The following PDPN variants were observed in gnomAD, a reference collection of about 807,000 sequenced individuals.
PDPN encodes the protein PA2.26 antigen.
Under a neutral mutation model 23.2 loss-of-function variants are expected in PDPN, and 12 were observed. The ratio of observed to expected loss-of-function variants is 0.52; its 90% CI spans 0.33 to 0.84. PDPN has a LOEUF of 0.84. Among genes scored for constraint, PDPN ranks in the 40% least tolerant of loss-of-function variants. The pLI is 0.02. For synonymous variants in PDPN, 77 were observed against 76.7 expected, an observed-to-expected ratio of 1.00 and a Z score of -0.02; for missense variants, 199 against 212.2, an observed-to-expected ratio of 0.94 and a Z score of 0.39.
At chr1:13,603,811 A>G (rs1640711231) in intron 1 of PDPN, among the ~76,000 whole-genome samples, 1 of 151,300 alleles carries the variant, frequency 6.6e-6, no homozygotes, top group African/African-American at 2.4e-5. Context: ...CTGGTCTTGA[A>G]CTCCTGACCT....
At chr1:13,595,959 A>C (rs1640485240) in intron 1 of PDPN, 2 of 1,022,374 alleles carry the variant, frequency 2.0e-6, no homozygotes, top group African/African-American at 3.3e-5. Context: ...GGACTTTGGG[A>C]GGCTGAGGCG....
intron 1 of PDPN, among the ~76,000 whole-genome samples, chr1:13,599,122 T>C: frequency 6.7e-6 from 1 of 150,120 alleles, no homozygotes; most frequent in Middle Eastern, 3.2e-3. Context: ...GGGATTCCCC[T>C]GCCTCTGCCT....
At chr1:13,596,655 G>A (rs1057396368) in intron 1 of PDPN, among the ~76,000 whole-genome samples, 18 of 152,306 alleles carry the variant, frequency 1.2e-4, no homozygotes, top group Admixed American at 5.9e-4. Flanking sequence ...GAGGTCAGGC[G>A]TGTTCAGAGT....
chr1:13,595,423 G>A (rs1339033437), intron 1 of PDPN, among the ~76,000 whole-genome samples: 1 of 152,084 alleles, frequency 6.6e-6, no homozygotes, highest in Non-Finnish European at 1.5e-5. Flanking sequence ...ACTTTGGGAG[G>A]TGACCCAGAG....
At chr1:13,588,986 T>TATTCAATAAATTGAATAGTGCTACA in intron 1 of PDPN, among the ~76,000 whole-genome samples, 1 of 152,004 alleles carries the variant, frequency 6.6e-6, no homozygotes, top group South Asian at 2.1e-4. Context: ...GAATAGCTAC[T>TATTCAATAAATTGAATAGTGCTACA]ATTCAATAAA....
intron 1 of PDPN, chr1:13,585,529 C>T: frequency 7.4e-7 from 1 of 1,351,082 alleles, no homozygotes; most frequent in Non-Finnish European, 9.8e-7. Context: ...GGAGCGCCCT[C>T]ACTTCAGCAT....
chr1:13,616,048 C>A lies in PDPN; in HGVS notation c.*137C>A. 1.3e-6 allele frequency: 1 copy of A among 767,296 alleles called. No individual in the cohort carries two copies. The highest frequency in any genetic ancestry group is 1.6e-5 in the South Asian group (1 of 63,414). The allele number at this position is 767,296 out of a possible 1,614,324, so 47.5% of individuals were successfully genotyped here. On this transcript the variant is annotated 3_prime_UTR_variant, in exon 6 of 6. Transcript: ENST00000621990. Reference sequence around the variant, plus strand: ...GCCCACTCAGAATCCACGGTGACCTCTCCGCTTGCCAAAATAACCGAAGGA... The same window carrying A: ...GCCCACTCAGAATCCACGGTGACCTATCCGCTTGCCAAAATAACCGAAGGA...
At chr1:13,612,962 C>T (rs570737434) in intron 3 of PDPN, among the ~76,000 whole-genome samples, 52 of 151,606 alleles carry the variant, frequency 3.4e-4, no homozygotes, top group Non-Finnish European at 6.2e-4. Flanking sequence ...GTTAAGGACT[C>T]GTTATATAAA....
chr1:13,602,327 C>CAA (rs55924202), intron 1 of PDPN, among the ~76,000 whole-genome samples: 24 of 134,614 alleles, frequency 1.8e-4, no homozygotes, highest in Admixed American at 6.0e-4. Flanking sequence ...GACTCCGTCT[C>CAA]AAAAAAAAAA....
chr1:13,609,659 C>T (rs975828038), intron 2 of PDPN, among the ~76,000 whole-genome samples: 2 of 152,192 alleles, frequency 1.3e-5, no homozygotes, highest in Non-Finnish European at 1.5e-5. Context: ...CTCTAGGCAC[C>T]TCATGTAAGT....
Position 13,592,841 on chromosome 1 carries a change from C to T in PDPN, c.67+8741C>T, listed in dbSNP as rs191563760. Among the ~76,000 whole-genome samples the T allele has an allele frequency of 6.3e-3, 959 of 152,258 alleles. 6 individuals carry two copies. Among genetic ancestry groups the T allele is most frequent in the African/African-American group, 0.022 (909 of 41,552 alleles). On this transcript the variant is annotated intron_variant, in intron 1 of 5. Coordinates refer to ENST00000621990, the MANE Select transcript of PDPN (RefSeq NM_006474.5). ...CTGGGATTACAGGCGTGAGCCACCG[C>T]GCCTGGCCAAAAAGATGATTCTTTC...
At chr1:13,598,345 A>G (rs1473609764) in intron 1 of PDPN, among the ~76,000 whole-genome samples, 1 of 152,012 alleles carries the variant, frequency 6.6e-6, no homozygotes, top group Non-Finnish European at 1.5e-5. Context: ...TCAGTGGGTA[A>G]TGACTTCAAA....
intron 1 of PDPN, chr1:13,584,358 G>T: frequency 1.4e-6 from 2 of 1,441,710 alleles, no homozygotes; most frequent in South Asian, 1.4e-5. Context: ...AGCACAGGGG[G>T]CCTCCCTCCG....
At chr1:13,593,569 G>A (rs1185577795) in intron 1 of PDPN, among the ~76,000 whole-genome samples, 1 of 152,152 alleles carries the variant, frequency 6.6e-6, no homozygotes, top group South Asian at 2.1e-4. Context: ...TAGTGGAAAC[G>A]GCCACATTCT....
At chr1:13,611,760 G>A (rs1312679788) in intron 3 of PDPN, among the ~76,000 whole-genome samples, 3 of 152,046 alleles carry the variant, frequency 2.0e-5, no homozygotes, top group East Asian at 1.9e-4. Flanking sequence ...CAGTGTTGGC[G>A]GGGAGTGGGG....
At chr1:13,605,004 T>G (rs1348847403) in intron 1 of PDPN, among the ~76,000 whole-genome samples, 6 of 152,154 alleles carry the variant, frequency 3.9e-5, no homozygotes, top group Non-Finnish European at 7.3e-5. Flanking sequence ...AAAAAATGTG[T>G]AGGTAGCTCA....
At chr1:13,610,235 C>T in intron 2 of PDPN, 152 bp from the exon 3 acceptor site, 1 of 620,330 alleles carries the variant, frequency 1.6e-6, no homozygotes, top group Admixed American at 3.1e-5. Context: ...TCTTCAAGAT[C>T]TAATTGTTCT....
At chr1:13,606,617 A>G (rs1170605876) in intron 1 of PDPN, among the ~76,000 whole-genome samples, 2 of 152,112 alleles carry the variant, frequency 1.3e-5, no homozygotes, top group African/African-American at 4.8e-5. Flanking sequence ...ATAGTGAGCT[A>G]TGATTGTGCC....
chr1:13,590,909 G>A (rs753357019), intron 1 of PDPN, among the ~76,000 whole-genome samples: 2 of 152,046 alleles, frequency 1.3e-5, no homozygotes, highest in African/African-American at 2.4e-5. Context: ...GAGACAAAAT[G>A]TGGTGACAAC....
Sources: gnomAD v4.1 joint callset for allele counts (sites outside exome capture counted in the v4.1 genomes callset) on GRCh38, gnomAD v4.1.1 for gene constraint, MANE v1.5 for transcripts, NCBI Gene and HGNC (gene_info 2026-07-23, HGNC 2026-07-21) for gene names.